Variants in SYT16 observed in about 807,000 individuals in gnomAD.
SYT16 encodes the protein synaptotagmin 16, also known as synaptotagmin-16.
In SYT16, 42 loss-of-function variants were observed where a neutral mutation model predicts 61.4. The ratio of observed to expected loss-of-function variants is 0.68; its 90% confidence interval spans 0.53 to 0.89. The LOEUF (loss-of-function observed/expected upper bound fraction) is 0.89, where lower values mean the gene tolerates loss of function less well. Among genes scored for constraint, SYT16 ranks in the 40% least tolerant of loss-of-function variants. SYT16 has a pLI of 0.00. For synonymous variants in SYT16, 314 were observed against 302.3 expected (o/e 1.04, Z -0.40); for missense variants, 804 against 807.3 (o/e 1.00, Z 0.05).
chr14:62,097,489 A>G (rs1043676053), intron 7 of SYT16, among the ~76,000 whole-genome samples: 2 of 152,188 alleles, frequency 1.3e-5, no homozygotes, highest in African/African-American at 4.8e-5. Flanking sequence ...ACGGAACCCC[A>G]AAAGACCCTG....
chr14:61,968,100 A>C (rs949800729), intron 1 of SYT16, among the ~76,000 whole-genome samples: 4 of 152,100 alleles, frequency 2.6e-5, no homozygotes, highest in Admixed American at 6.5e-5. Context: ...GTCTCTACTA[A>C]AAATACCAAA....
intron 1 of SYT16, among the ~76,000 whole-genome samples, chr14:61,827,845 C>A (rs764421407): frequency 2.3e-4 from 35 of 152,136 alleles, no homozygotes; most frequent in Non-Finnish European, 7.3e-5. Context: ...CCTTTATCTG[C>A]CCCTCTATGT....
chr14:62,037,983 G>A (rs2054575633), intron 3 of SYT16, among the ~76,000 whole-genome samples: 1 of 152,118 alleles, frequency 6.6e-6, no homozygotes, highest in Non-Finnish European at 1.5e-5. Flanking sequence ...CTTGAGCCTG[G>A]CATGTCATAG....
At chr14:61,937,197 G>A (rs374753299) in intron 1 of SYT16, among the ~76,000 whole-genome samples, 6 of 152,366 alleles carry the variant, frequency 3.9e-5, no homozygotes, top group African/African-American at 1.4e-4. Flanking sequence ...CTTTGAAGCA[G>A]TAGTTCATCA....
intron 1 of SYT16, among the ~76,000 whole-genome samples, chr14:61,857,618 G>C (rs967730835): frequency 5.9e-5 from 9 of 152,288 alleles, no homozygotes; most frequent in Admixed American, 5.9e-4. Flanking sequence ...CAGTCAAGAG[G>C]CTGGAGGGGA....
chr14:62,047,122 T>A (rs2055027996), intron 3 of SYT16, among the ~76,000 whole-genome samples: 1 of 151,560 alleles, frequency 6.6e-6, no homozygotes, highest in Admixed American at 6.6e-5. Context: ...TTGTATTGTA[T>A]CTTGTATTGT....
intron 1 of SYT16, among the ~76,000 whole-genome samples, chr14:61,962,818 T>C (rs2051166778): frequency 6.6e-6 from 1 of 152,170 alleles, no homozygotes; most frequent in Non-Finnish European, 1.5e-5. Flanking sequence ...GTATCTTCAA[T>C]TCTAGTATTT....
At chr14:61,866,640 G>A (rs1380832162) in intron 1 of SYT16, among the ~76,000 whole-genome samples, 1 of 151,842 alleles carries the variant, frequency 6.6e-6, no homozygotes, top group African/African-American at 2.4e-5. Context: ...GCATTATGAG[G>A]GTTCTTTAGT....
Position 61,849,274 on chromosome 14 carries a change from G to C in SYT16, c.-325+36464G>C, listed in dbSNP as rs1282141414. ...TTGGAGCTGTGAGCTGCACTGCCTGGAGTTGGGGGAGGGCTGACTGGCACA... is the reference window on the plus strand; with the variant it reads ...TTGGAGCTGTGAGCTGCACTGCCTGCAGTTGGGGGAGGGCTGACTGGCACA... On this transcript the variant is annotated intron_variant, in intron 1 of 7. Coordinates refer to ENST00000683842, the MANE Select transcript of SYT16 (RefSeq NM_001367656.1). 2.6e-5 allele frequency among the ~76,000 whole-genome samples: 4 copies of C among 152,128 alleles called. No individual in the cohort carries two copies. The East Asian group carries it at 7.7e-4, about 29-fold the overall frequency.
chr14:62,072,065 T>G (rs2140947774), intron 4 of SYT16, among the ~76,000 whole-genome samples: 1 of 152,358 alleles, frequency 6.6e-6, no homozygotes, highest in South Asian at 2.1e-4. Flanking sequence ...TGGTCTGGAT[T>G]GGAGGCCTGT....
chr14:62,098,026 G>A (rs551581747), intron 7 of SYT16, among the ~76,000 whole-genome samples: 2 of 151,946 alleles, frequency 1.3e-5, no homozygotes, highest in East Asian at 3.9e-4. Flanking sequence ...ACAGAGAAGT[G>A]TTTTCACACC....
Position 62,100,534 on chromosome 14 carries a change from G to A in SYT16, c.1765G>A (p.Val589Ile). 1 of 1,613,868 alleles carries A rather than the reference G, an allele frequency of 6.2e-7. No individual in the cohort carries two copies. Among genetic ancestry groups the A allele is most frequent in the Non-Finnish European group, 8.5e-7 (1 of 1,179,848 alleles). The change falls in exon 8 of 8, where the codon GTC (valine) becomes ATC (isoleucine). Residue 589 changes from valine (V) to isoleucine (I), a missense_variant. By Grantham distance (29) the Val-to-Ile change is conservative. Transcript: ENST00000683842. Reference sequence around the variant, plus strand: ...GGTGGCCCTCTTTCAGCTGTCTGATGTCACGTTGATGATTTCCGTTTATAA... The same window carrying A: ...GGTGGCCCTCTTTCAGCTGTCTGATATCACGTTGATGATTTCCGTTTATAA... ...FQVALFQLSD[V>I]TLMISVYNRR... is the part of the protein sequence containing the mutation.
chr14:62,020,631 C>G (rs1481914943), intron 3 of SYT16, among the ~76,000 whole-genome samples: 3 of 152,188 alleles, frequency 2.0e-5, no homozygotes, highest in African/African-American at 7.2e-5. Context: ...TTCGTTTTCA[C>G]CAGCCAGCAG....
intron 3 of SYT16, among the ~76,000 whole-genome samples, chr14:62,061,005 A>G (rs2055801534): frequency 6.6e-6 from 1 of 152,248 alleles, no homozygotes; most frequent in East Asian, 1.9e-4. Context: ...ATAATAAAAG[A>G]TACAGTATTG....
intron 1 of SYT16, among the ~76,000 whole-genome samples, chr14:61,844,412 C>T (rs932644822): frequency 2.0e-5 from 3 of 152,068 alleles, no homozygotes; most frequent in Admixed American, 2.0e-4. Context: ...CTAGGACTTC[C>T]AGTATTATGT....
chr14:61,889,523 C>G (rs1450325840), intron 1 of SYT16, among the ~76,000 whole-genome samples: 1 of 152,126 alleles, frequency 6.6e-6, no homozygotes, highest in Non-Finnish European at 1.5e-5. Context: ...AGTTCTTTCT[C>G]TATTAGTTCC....
chr14:62,061,472 G>A (rs2055821760), intron 3 of SYT16, among the ~76,000 whole-genome samples: 1 of 151,840 alleles, frequency 6.6e-6, no homozygotes, highest in Non-Finnish European at 1.5e-5. Flanking sequence ...GAAGAAGAAA[G>A]CAAGACCCAA....
At chr14:61,874,907 T>C (rs1403815425) in intron 1 of SYT16, among the ~76,000 whole-genome samples, 1 of 152,084 alleles carries the variant, frequency 6.6e-6, no homozygotes, top group African/African-American at 2.4e-5. Flanking sequence ...AAAGGAAAAG[T>C]AGGGAGATGA....
At chr14:61,938,251 C>T (rs1227758003) in intron 1 of SYT16, among the ~76,000 whole-genome samples, 1 of 152,114 alleles carries the variant, frequency 6.6e-6, no homozygotes, top group Non-Finnish European at 1.5e-5. Context: ...TTGAATGATA[C>T]TGTACCCAAA....
Sources: gnomAD v4.1 joint callset for allele counts (sites outside exome capture counted in the v4.1 genomes callset) on GRCh38, gnomAD v4.1.1 for gene constraint, MANE v1.5 for transcripts, NCBI Gene and HGNC (gene_info 2026-07-23, HGNC 2026-07-21) for gene names.